Variants in TFB2M observed in about 807,000 individuals in gnomAD.
TFB2M encodes transcription factor B2, mitochondrial.
In TFB2M, 44 loss-of-function variants were observed where a neutral mutation model predicts 41.3. That is an observed-to-expected ratio of 1.07 (90% confidence interval 0.84 to 1.37). The LOEUF (loss-of-function observed/expected upper bound fraction) is 1.37. Among genes scored for constraint, TFB2M ranks in the 40% most tolerant of loss-of-function variants. The pLI is 0.00. For synonymous variants in TFB2M, 188 were observed against 176.8 expected (o/e 1.06, Z -0.50); for missense variants, 496 against 490.2 (o/e 1.01, Z -0.11).
At position 246,541,049 on chromosome 1, in the gene TFB2M, T is replaced by C. The variant is rs772197891; in HGVS notation, c.1173A>G (p.Glu391=). 2.2e-5 allele frequency: 36 copies of C among 1,612,004 alleles called. No individual in the cohort carries two copies. In the East Asian group the frequency reaches 8.0e-4, roughly 36 times the overall value. The change falls in exon 8 of 8, where the codon GAA becomes GAG. Residue 391 remains glutamate, a synonymous_variant. Transcript: ENST00000366514. ...CTAGTTGCTACCTATCTTCCAGGGTTTCATCATACAGCCATTTATAAGCAC... is the reference window on the plus strand; with the variant it reads ...CTAGTTGCTACCTATCTTCCAGGGTCTCATCATACAGCCATTTATAAGCAC... ...KDCAYKWLYD[E]TLEDR
intron 2 of TFB2M, among the ~76,000 whole-genome samples, chr1:246,558,444 GC>G (rs1451244481): frequency 6.6e-6 from 1 of 152,020 alleles, no homozygotes; most frequent in Non-Finnish European, 1.5e-5. Context: ...ACTGCACCCG[GC>G]CCCACTTACT....
At chr1:246,558,012 T>C (rs184502360) in intron 2 of TFB2M, among the ~76,000 whole-genome samples, 1,536 of 152,086 alleles carry the variant, frequency 0.01, 24 homozygotes, top group African/African-American at 0.035. Flanking sequence ...CATAACTATG[T>C]AAAGAAAATA....
At chr1:246,559,438 A>G (rs766644317) in intron 2 of TFB2M, among the ~76,000 whole-genome samples, 2 of 152,124 alleles carry the variant, frequency 1.3e-5, no homozygotes, top group Non-Finnish European at 2.9e-5. Context: ...AACTCCAGCT[A>G]TTGGGGAGGT....
intron 1 of TFB2M, 112 bp downstream of exon 1, chr1:246,565,714 G>A (rs570778691): frequency 8.2e-7 from 1 of 1,214,364 alleles, no homozygotes. Flanking sequence ...CCGTCTCAAA[G>A]CAAAAGAACA....
At chr1:246,543,216 AT>A (rs1658911193) in intron 7 of TFB2M, among the ~76,000 whole-genome samples, 2 of 88,418 alleles carry the variant, frequency 2.3e-5, no homozygotes, top group South Asian at 5.4e-4. Flanking sequence ...TCAACAGCTC[AT>A]TCAGAGTTAA....
At chr1:246,556,148 T>C (rs1300073629) in intron 4 of TFB2M, among the ~76,000 whole-genome samples, 2 of 152,130 alleles carry the variant, frequency 1.3e-5, no homozygotes, top group Non-Finnish European at 2.9e-5. Flanking sequence ...TGCTATAACA[T>C]TGATGAACCT....
At chr1:246,557,262 G>A (rs1160864898) in intron 3 of TFB2M, 119 bp downstream of exon 3, 1 of 1,177,838 alleles carries the variant, frequency 8.5e-7, no homozygotes, top group Non-Finnish European at 1.2e-6. Flanking sequence ...GACAGAGTGA[G>A]ACTCCATCTC....
chr1:246,553,868 A>T (rs1231959013), intron 4 of TFB2M, among the ~76,000 whole-genome samples: 1 of 152,206 alleles, frequency 6.6e-6, no homozygotes, highest in Middle Eastern at 3.2e-3. Flanking sequence ...TCCATATAGA[A>T]TCTCGAGGAA....
intron 6 of TFB2M, among the ~76,000 whole-genome samples, chr1:246,548,005 G>A (rs1426158951): frequency 1.3e-5 from 2 of 149,260 alleles, no homozygotes; most frequent in Non-Finnish European, 1.5e-5. Context: ...AGAGTGCAGT[G>A]GCACGATCTT....
At chr1:246,561,271 C>A (rs142448013) in intron 2 of TFB2M, among the ~76,000 whole-genome samples, 8,750 of 152,138 alleles carry the variant, frequency 0.058, 413 homozygotes, top group Non-Finnish European at 0.086. Context: ...AAAATAAGAG[C>A]CTTAATAGAG....
chr1:246,565,668 C>T (rs1322878991), intron 1 of TFB2M, among the ~76,000 whole-genome samples, 158 bp downstream of exon 1: 1 of 152,186 alleles, frequency 6.6e-6, no homozygotes, highest in Non-Finnish European at 1.5e-5. Flanking sequence ...GCCGAGATCG[C>T]CCCACTGCAC....
chr1:246,555,798 A>AT (rs200481766), intron 4 of TFB2M, among the ~76,000 whole-genome samples: 53 of 148,852 alleles, frequency 3.6e-4, no homozygotes, highest in East Asian at 3.2e-3. Flanking sequence ...TATACAATAG[A>AT]TTTTTTTTTT....
Position 246,556,738 on chromosome 1 carries a change from C to T in TFB2M, c.557-17G>A. On this transcript the variant is annotated splice_polypyrimidine_tract_variant and intron_variant, in intron 3 of 7. Transcript: ENST00000366514. Reference sequence around the variant, plus strand: ...AAGGGATGTCTGTTAGGAATATAAGCAAAAAGATTTGAATAAAGTTCTTAG... The same window carrying T: ...AAGGGATGTCTGTTAGGAATATAAGTAAAAAGATTTGAATAAAGTTCTTAG... The T allele has an allele frequency of 6.5e-7, 1 of 1,536,700 alleles. No homozygotes were observed. Among genetic ancestry groups the T allele is most frequent in the Non-Finnish European group, 8.7e-7 (1 of 1,153,502 alleles).
chr1:246,541,001 A>C lies in TFB2M; in HGVS notation c.*30T>G, dbSNP rs939488671. ...CATGTCATAGTTTCCAAATAAATGA[A>C]CCGCTCCACCAAAAACGACAGTCTA... On this transcript the variant is annotated 3_prime_UTR_variant, in exon 8 of 8. Transcript: ENST00000366514. The C allele has an allele frequency of 1.3e-6, 2 of 1,574,742 alleles. No homozygotes were observed. The highest frequency in any genetic ancestry group is 2.7e-5 in the African/African-American group (2 of 73,036).
intron 6 of TFB2M, among the ~76,000 whole-genome samples, chr1:246,545,091 C>T (rs373074531): frequency 4.6e-5 from 7 of 152,136 alleles, no homozygotes; most frequent in Admixed American, 6.5e-5. Context: ...CAGGCGTGAG[C>T]CACCGTGCCC....
Position 246,540,912 on chromosome 1 carries a change from G to C in TFB2M, c.*119C>G. 1 of 915,188 alleles carries C rather than the reference G, an allele frequency of 1.1e-6. No homozygotes were observed. Among genetic ancestry groups the C allele is most frequent in the Admixed American group, 2.8e-5 (1 of 35,844 alleles). The allele number at this position is 915,188 out of a possible 1,614,324, so 56.7% of individuals were successfully genotyped here. A position where few individuals can be genotyped will look rare whatever the true frequency, so the allele number is the denominator to read the frequency against. On this transcript the variant is annotated 3_prime_UTR_variant, in exon 8 of 8. Transcript: ENST00000366514. ...TCAGCTTAGGAGAAATGATCTGCCT[G>C]GCTTGTGCAAGACAAGAACAGTTAC...
chr1:246,545,317 T>A (rs1327088815), intron 6 of TFB2M, among the ~76,000 whole-genome samples: 1 of 151,740 alleles, frequency 6.6e-6, no homozygotes, highest in African/African-American at 2.4e-5. Context: ...TCACTCGAGG[T>A]CAGGAGTTCA....
intron 2 of TFB2M, among the ~76,000 whole-genome samples, chr1:246,562,822 G>A (rs1286154220): frequency 1.3e-5 from 2 of 152,230 alleles, no homozygotes; most frequent in South Asian, 4.1e-4. Flanking sequence ...ACCACGCCCA[G>A]CTAAGTTTTG....
intron 2 of TFB2M, among the ~76,000 whole-genome samples, chr1:246,561,748 C>T (rs1165315800): frequency 6.6e-6 from 1 of 152,242 alleles, no homozygotes; most frequent in Non-Finnish European, 1.5e-5. Flanking sequence ...GGATTACAGG[C>T]ATGGGCCTCG....
Sources: allele counts gnomAD v4.1 joint callset (sites outside exome capture counted in the v4.1 genomes callset), GRCh38; gene constraint gnomAD v4.1.1; transcripts MANE v1.5; gene names NCBI Gene and HGNC (gene_info 2026-07-23, HGNC 2026-07-21).